EHBP1: variants seen among roughly 807,000 people sequenced by gnomAD.
The protein encoded by EHBP1 is EH domain-binding protein 1.
In EHBP1, 55 loss-of-function variants were observed where a neutral mutation model predicts 144.0. The observed-to-expected ratio is 0.38, with a 90% CI of 0.31 to 0.48. EHBP1 has a LOEUF of 0.48. Among genes scored for constraint, EHBP1 ranks in the 20% least tolerant of loss-of-function variants. EHBP1 has a pLI of 0.98. For synonymous variants in EHBP1, 469 were observed against 472.7 expected (o/e 0.99, Z 0.10); for missense variants, 1,200 against 1,364.2 (o/e 0.88, Z 1.90).
At chr2:62,760,027 A>G (rs959116038) in intron 3 of EHBP1, among the ~76,000 whole-genome samples, 3 of 152,112 alleles carry the variant, frequency 2.0e-5, no homozygotes, top group East Asian at 1.9e-4. Context: ...ACCCCTGTGT[A>G]TACTGAAATC....
At chr2:62,680,081 C>A (rs1230951728) in intron 1 of EHBP1, among the ~76,000 whole-genome samples, 1 of 152,198 alleles carries the variant, frequency 6.6e-6, no homozygotes, top group Non-Finnish European at 1.5e-5. Flanking sequence ...GAAGAAGAAC[C>A]TAAAAGGAAA....
intron 5 of EHBP1, among the ~76,000 whole-genome samples, chr2:62,808,465 G>A (rs1247414794): frequency 6.6e-6 from 1 of 152,014 alleles, no homozygotes; most frequent in Non-Finnish European, 1.5e-5. Context: ...TGGTGTTTTT[G>A]ATCTCTAGCT....
chr2:62,981,760 G>A (rs1462198493), intron 15 of EHBP1, among the ~76,000 whole-genome samples: 1 of 152,170 alleles, frequency 6.6e-6, no homozygotes, highest in Non-Finnish European at 1.5e-5. Flanking sequence ...GTGAGGACTG[G>A]ATCTATAGAG....
chr2:62,872,085 A>T (rs1171421706), intron 9 of EHBP1: 1 of 152,154 alleles, frequency 6.6e-6, no homozygotes, highest in Non-Finnish European at 1.5e-5. Flanking sequence ...CCAAAGAAAC[A>T]TAGATATCAA....
intron 2 of EHBP1, among the ~76,000 whole-genome samples, chr2:62,740,140 G>C (rs1048751121): frequency 2.0e-5 from 3 of 151,912 alleles, no homozygotes; most frequent in African/African-American, 7.3e-5. Flanking sequence ...CAGTTCATTT[G>C]CATTATCAGT....
intron 3 of EHBP1, among the ~76,000 whole-genome samples, chr2:62,758,598 A>G (rs1349573720): frequency 1.3e-5 from 2 of 152,222 alleles, no homozygotes; most frequent in African/African-American, 4.8e-5. Flanking sequence ...GGCAGTTAGG[A>G]TAGACCAGAA....
chr2:62,974,383 T>C (rs998780667), intron 14 of EHBP1, among the ~76,000 whole-genome samples: 5 of 152,202 alleles, frequency 3.3e-5, no homozygotes, highest in Non-Finnish European at 7.4e-5. Flanking sequence ...ATAAGAGTAG[T>C]ACATGTGTAT....
chr2:62,755,334 A>G (rs947179811), intron 3 of EHBP1, among the ~76,000 whole-genome samples: 1 of 151,722 alleles, frequency 6.6e-6, no homozygotes, highest in Non-Finnish European at 1.5e-5. Context: ...TTGGTAGTTT[A>G]TTTGTTTATT....
At chr2:63,025,311 G>A (rs1040393751) in intron 19 of EHBP1, among the ~76,000 whole-genome samples, 24 of 152,190 alleles carry the variant, frequency 1.6e-4, no homozygotes, top group Non-Finnish European at 2.9e-4. Context: ...ACCCAGGCTG[G>A]ATTGCTTTGA....
chr2:62,982,504 GGT>G (rs1463872581), intron 15 of EHBP1, among the ~76,000 whole-genome samples: 1 of 152,174 alleles, frequency 6.6e-6, no homozygotes, highest in African/African-American at 2.4e-5. Flanking sequence ...ACCCTGATGA[GGT>G]TGTTAAGTCA....
intron 15 of EHBP1, among the ~76,000 whole-genome samples, chr2:62,986,431 G>A (rs897664745): frequency 4.9e-5 from 7 of 141,640 alleles, no homozygotes; most frequent in Non-Finnish European, 7.7e-5. Context: ...TCTCAATCTT[G>A]TTTCTTTTTT....
intron 6 of EHBP1, among the ~76,000 whole-genome samples, chr2:62,827,869 A>G (rs937444978): frequency 6.6e-6 from 1 of 152,082 alleles, no homozygotes; most frequent in Non-Finnish European, 1.5e-5. Context: ...GTGTTTCACC[A>G]TGTTGGCCAG....
At chr2:62,680,632 T>A (rs2033479299) in intron 1 of EHBP1, among the ~76,000 whole-genome samples, 1 of 149,236 alleles carries the variant, frequency 6.7e-6, no homozygotes, top group South Asian at 2.1e-4. Context: ...TCTAATGAGA[T>A]CACTGGACTC....
chr2:63,020,323 C>CAAAAAAAA (rs1001418542), intron 19 of EHBP1, among the ~76,000 whole-genome samples: 7 of 45,252 alleles, frequency 1.5e-4, no homozygotes, highest in East Asian at 6.3e-4. Context: ...GACTCTGTCT[C>CAAAAAAAA]AAAAAAAAAA....
chr2:62,696,124 C>T (rs1439991993), intron 1 of EHBP1, among the ~76,000 whole-genome samples: 5 of 148,886 alleles, frequency 3.4e-5, no homozygotes, highest in Admixed American at 2.0e-4. Context: ...TGAAGTTTCC[C>T]TCCCTCCCTC....
At chr2:62,694,950 A>G (rs924032273) in intron 1 of EHBP1, among the ~76,000 whole-genome samples, 2 of 152,182 alleles carry the variant, frequency 1.3e-5, no homozygotes, top group Admixed American at 1.3e-4. Flanking sequence ...TGTATATGTC[A>G]TATATAAGAG....
chr2:62,858,225 G>A (rs1018489967), intron 7 of EHBP1: 16 of 397,534 alleles, frequency 4.0e-5, no homozygotes, highest in Non-Finnish European at 6.3e-5. Flanking sequence ...TAAAATATGA[G>A]TACAGCATAA....
At chr2:62,974,379 G>C (rs1215209157) in intron 14 of EHBP1, among the ~76,000 whole-genome samples, 1 of 152,110 alleles carries the variant, frequency 6.6e-6, no homozygotes, top group South Asian at 2.1e-4. Flanking sequence ...GATTATAAGA[G>C]TAGTACATGT....
intron 2 of EHBP1, among the ~76,000 whole-genome samples, chr2:62,718,889 T>A (rs2035939740): frequency 6.6e-6 from 1 of 152,194 alleles, no homozygotes; most frequent in African/African-American, 2.4e-5. Context: ...TTAAACAGGT[T>A]CATTGGTTCA....
Sources: allele counts gnomAD v4.1 joint callset (sites outside exome capture counted in the v4.1 genomes callset), GRCh38; gene constraint gnomAD v4.1.1; transcripts MANE v1.5; gene names NCBI Gene and HGNC (gene_info 2026-07-23, HGNC 2026-07-21).